SHLD2: variants seen among roughly 807,000 people sequenced by gnomAD.
The protein encoded by SHLD2 is RINN1-REV7-interacting novel NHEJ regulator 2.
A neutral mutation model predicts 73.2 loss-of-function variants in SHLD2; 30 were observed. The observed-to-expected ratio is 0.41, with a 90% CI of 0.31 to 0.56. SHLD2 has a LOEUF of 0.56. Ranked by LOEUF, SHLD2 falls within the 20% of genes least tolerant of loss-of-function variation. The probability of loss-of-function intolerance (pLI) is 0.28; values close to 1 mark genes in which losing one functional copy is unlikely to be tolerated. For missense variants in SHLD2, 745 were observed against 1,055.9 expected (o/e 0.71, Z 4.08); for synonymous variants, 285 against 370.1 (o/e 0.77, Z 2.64).
chr10:87,147,086 A>C (rs1210771014), intron 2 of SHLD2, among the ~76,000 whole-genome samples: 12 of 150,948 alleles, frequency 7.9e-5, no homozygotes, highest in South Asian at 4.2e-4. Flanking sequence ...AAAAAAAAAA[A>C]AACAAAAAAA....
chr10:87,174,497 T>C (rs1005546315), intron 6 of SHLD2, among the ~76,000 whole-genome samples: 24 of 151,132 alleles, frequency 1.6e-4, no homozygotes, highest in African/African-American at 5.6e-4. Context: ...TAACTTGGAA[T>C]ATATGCTTTA....
intron 2 of SHLD2, among the ~76,000 whole-genome samples, chr10:87,105,964 G>A (rs1214133028): frequency 6.6e-6 from 1 of 152,172 alleles, no homozygotes; most frequent in Non-Finnish European, 1.5e-5. Context: ...GGCAGACTGT[G>A]CCAGCCAGGA....
chr10:87,181,876 T>C (rs1310294182), intron 8 of SHLD2, among the ~76,000 whole-genome samples: 6 of 151,316 alleles, frequency 4.0e-5, no homozygotes, highest in Non-Finnish European at 8.9e-5. Flanking sequence ...TTCAAGTGAT[T>C]CTTCTGTCTC....
At chr10:87,163,244 G>A (rs1488605498) in intron 4 of SHLD2, among the ~76,000 whole-genome samples, 4 of 152,094 alleles carry the variant, frequency 2.6e-5, no homozygotes, top group Middle Eastern at 3.2e-3. Context: ...CTTCCTGTAC[G>A]AAGGAATGGA....
chr10:87,176,233 C>T lies in SHLD2; in HGVS notation c.2170+138C>T, dbSNP rs1847944205. 5.2e-5 allele frequency: 67 copies of T among 1,282,452 alleles called. No individual in the cohort carries two copies. The South Asian group carries it at 9.1e-4, about 17-fold the overall frequency. The allele number at this position is 1,282,452 out of a possible 1,614,324, so 79.4% of individuals were successfully genotyped here. A position where few individuals can be genotyped will look rare whatever the true frequency, so the allele number is the denominator to read the frequency against. On this transcript the variant is annotated intron_variant, in intron 7 of 9. Coordinates refer to ENST00000298786, the MANE Select transcript of SHLD2 (RefSeq NM_001330112.2). ...ACCTCCCAGGTTTAAGTGATTCTCC[C>T]CGTTCAGCCTTTCGCGTAGCTCAGG...
intron 4 of SHLD2, among the ~76,000 whole-genome samples, chr10:87,170,138 T>C (rs1429706110): frequency 1.3e-5 from 2 of 152,272 alleles, no homozygotes; most frequent in African/African-American, 4.8e-5. Flanking sequence ...GGGGAACCAA[T>C]TGGCTGTTAC....
chr10:87,103,192 G>A (rs1842379957), intron 2 of SHLD2, among the ~76,000 whole-genome samples: 1 of 151,902 alleles, frequency 6.6e-6, no homozygotes, highest in Non-Finnish European at 1.5e-5. Context: ...CCTGGCAACA[G>A]AGTGAGATTC....
chr10:87,172,978 C>T (rs561130387), intron 6 of SHLD2, among the ~76,000 whole-genome samples: 38 of 150,266 alleles, frequency 2.5e-4, no homozygotes, highest in Non-Finnish European at 5.2e-4. Flanking sequence ...CTTTTAAAAA[C>T]TTCTATTATA....
rs1313126888 is a variant in SHLD2 at position 87,190,893 on chromosome 10, T to TG, written c.*210_*211insG. 1.8e-6 allele frequency: 1 copy of TG among 564,530 alleles called. No individual in the cohort carries two copies. The highest frequency in any genetic ancestry group is 1.9e-5 in the African/African-American group (1 of 52,944). 35.0% of individuals were successfully genotyped at this position (564,530 alleles called of 1,614,324 possible). ...GTTTTTGTCTTTTGGTTTCTTACTTTCTCCTGGAGAAATGATCTACCAGTC... is the reference window on the plus strand; with the variant it reads ...GTTTTTGTCTTTTGGTTTCTTACTTTGCTCCTGGAGAAATGATCTACCAGTC... On this transcript the variant is annotated 3_prime_UTR_variant, in exon 10 of 10. Transcript: ENST00000298786.
At chr10:87,131,115 A>G (rs2134154445) in intron 2 of SHLD2, among the ~76,000 whole-genome samples, 1 of 152,234 alleles carries the variant, frequency 6.6e-6, no homozygotes, top group Middle Eastern at 3.4e-3. Flanking sequence ...ATTTTAGCAC[A>G]ATTTGGGGAA....
chr10:87,116,858 G>A (rs1005810532), intron 2 of SHLD2, among the ~76,000 whole-genome samples: 6 of 152,206 alleles, frequency 3.9e-5, no homozygotes, highest in Non-Finnish European at 5.9e-5. Context: ...GTGACAGAGA[G>A]GGTAAGGAGG....
intron 6 of SHLD2, among the ~76,000 whole-genome samples, chr10:87,174,183 C>T (rs890963195): frequency 3.3e-5 from 5 of 150,748 alleles, no homozygotes; most frequent in South Asian, 2.1e-4. Context: ...CAGAGTCCCT[C>T]AAAATAGAGG....
chr10:87,120,776 G>A (rs534565392), intron 2 of SHLD2, among the ~76,000 whole-genome samples: 5 of 152,162 alleles, frequency 3.3e-5, no homozygotes, highest in South Asian at 4.1e-4. Flanking sequence ...GTTTTAGGCC[G>A]GGTGCGGTGG....
At chr10:87,182,518 C>T (rs1409162368) in intron 8 of SHLD2, among the ~76,000 whole-genome samples, 4 of 152,222 alleles carry the variant, frequency 2.6e-5, no homozygotes, top group Non-Finnish European at 4.4e-5. Context: ...ATTAAATTAA[C>T]ATGTAGATAG....
intron 2 of SHLD2, among the ~76,000 whole-genome samples, chr10:87,148,732 G>C (rs1238507672): frequency 6.6e-6 from 1 of 151,786 alleles, no homozygotes; most frequent in East Asian, 1.9e-4. Context: ...GACAGAGAGA[G>C]ACCCTAACTC....
chr10:87,140,419 CAA>C (rs59414161), intron 2 of SHLD2, among the ~76,000 whole-genome samples: 21 of 102,260 alleles, frequency 2.1e-4, no homozygotes, highest in East Asian at 6.6e-4. Flanking sequence ...GAACCTATCT[CAA>C]AAAAAAAAAA....
In SHLD2 at chr10:87,146,347, G is replaced by T. The variant is rs536921670; in HGVS notation, c.-5-5003G>T. 2.6e-5 allele frequency among the ~76,000 whole-genome samples: 4 copies of T among 152,054 alleles called. No individual in the cohort carries two copies. In the East Asian group the frequency reaches 7.7e-4, roughly 29 times the overall value. ...CTCGCTCTGTTGTCCAGGCTGGAGT[G>T]CAGTGGCCCGATCTTGGCTCACTGC... On this transcript the variant is annotated intron_variant, in intron 2 of 9. Transcript: ENST00000298786.
intron 2 of SHLD2, among the ~76,000 whole-genome samples, chr10:87,122,998 C>G (rs1843732566): frequency 6.6e-6 from 1 of 152,168 alleles, no homozygotes; most frequent in Non-Finnish European, 1.5e-5. Context: ...AGGATGGTCT[C>G]AAACTCCTGA....
intron 2 of SHLD2, among the ~76,000 whole-genome samples, chr10:87,113,239 G>A (rs1453904273): frequency 6.6e-6 from 1 of 152,066 alleles, no homozygotes; most frequent in Non-Finnish European, 1.5e-5. Context: ...CAGGAGAATC[G>A]CTTGAACCTG....
Sources: gnomAD v4.1 joint callset for allele counts (sites outside exome capture counted in the v4.1 genomes callset) on GRCh38, gnomAD v4.1.1 for gene constraint, MANE v1.5 for transcripts, NCBI Gene and HGNC (gene_info 2026-07-23, HGNC 2026-07-21) for gene names.